USP34: variants seen among roughly 807,000 people sequenced by gnomAD.
USP34 encodes ubiquitin carboxyl-terminal hydrolase 34.
USP34 carries 70 observed loss-of-function variants against 460.3 expected under a neutral mutation model. The ratio of observed to expected loss-of-function variants is 0.15; its 90% CI spans 0.13 to 0.19. The LOEUF is 0.19. USP34 is among the 10% of genes least tolerant of loss of function. The pLI is 1.00. For synonymous variants in USP34, 1,647 were observed against 1,405.3 expected, an observed-to-expected ratio of 1.17 and a Z score of -3.85; for missense variants, 3,985 against 4,236.2, an observed-to-expected ratio of 0.94 and a Z score of 1.65.
chr2:61,235,706 CTACCAAATGATTT>C, intron 57 of USP34, 126 bp downstream of exon 57: 1 of 713,860 alleles, frequency 1.4e-6, no homozygotes. Flanking sequence ...ACTTTCTCAG[CTACCAAATGATTT>C]TAAGAATGAC....
At chr2:61,464,000 T>C (rs1336467928) in intron 1 of USP34, among the ~76,000 whole-genome samples, 1 of 152,170 alleles carries the variant, frequency 6.6e-6, no homozygotes, top group Non-Finnish European at 1.5e-5. Context: ...ATCAGCAGCA[T>C]GCAAAGCATG....
rs1003472444 is a variant in USP34 at position 61,208,820 on chromosome 2, C to T, written c.8919+79G>A. On this transcript the variant is annotated intron_variant, in intron 70 of 79. Transcript: ENST00000398571. ...CCTGTAAAACAGTTTACCATAAACT[C>T]TAAATGTCTATAAAGTAAGTCTTGG... The T allele has an allele frequency of 3.7e-6, 4 of 1,074,230 alleles. No individual in the cohort carries two copies. In the African/African-American group the frequency reaches 6.5e-5, roughly 17 times the overall value. The allele number at this position is 1,074,230 out of a possible 1,614,324, so 66.5% of individuals were successfully genotyped here.
At chr2:61,282,596 C>G (rs539555959) in intron 37 of USP34, among the ~76,000 whole-genome samples, 2 of 152,208 alleles carry the variant, frequency 1.3e-5, no homozygotes, top group South Asian at 4.1e-4. Flanking sequence ...CAAGACCAAC[C>G]TGGACAACAC....
intron 56 of USP34, 29 bp from the exon 57 acceptor site, chr2:61,235,939 T>A (rs1383692743): frequency 1.2e-6 from 2 of 1,605,728 alleles, no homozygotes; most frequent in Admixed American, 3.5e-5. Flanking sequence ...TCAAAGCATA[T>A]GAACTTCTGA....
intron 1 of USP34, among the ~76,000 whole-genome samples, chr2:61,438,458 CA>C (rs35530723): frequency 1.3e-5 from 2 of 151,968 alleles, no homozygotes; most frequent in Non-Finnish European, 2.9e-5. Context: ...ACCAAAACTA[CA>C]AAAATTAGCC....
chr2:61,464,108 CATT>C (rs1202875113), intron 1 of USP34, among the ~76,000 whole-genome samples: 2 of 152,218 alleles, frequency 1.3e-5, no homozygotes, highest in Non-Finnish European at 2.9e-5. Context: ...CACCTGACAT[CATT>C]AGTTCAAGAC....
intron 20 of USP34, among the ~76,000 whole-genome samples, chr2:61,330,236 T>C (rs771447836): frequency 6.6e-5 from 10 of 152,202 alleles, no homozygotes; most frequent in Non-Finnish European, 1.5e-4. Flanking sequence ...TAAAACGGTC[T>C]CAAATGGGTT....
intron 67 of USP34, among the ~76,000 whole-genome samples, chr2:61,216,417 G>A (rs1687397953): frequency 2.0e-5 from 3 of 151,152 alleles, no homozygotes; most frequent in South Asian, 2.1e-4. Context: ...TGGCTAATAT[G>A]GTGAAACCCC....
chr2:61,188,662 C>G lies in USP34; in HGVS notation c.10081G>C (p.Glu3361Gln). ...ATGCAGCTGTCTACAGTGTGCTCCT[C>G]ATCACTGCTAACACGCCGCCTTTTA... ...PIKRRRVSSD[E>Q]EHTVDSCISD... Residue 3361 changes from glutamate (E) to glutamine (Q), a missense_variant, in exon 80 of 80, where the codon GAG becomes CAG. By Grantham distance (29) the Glu-to-Gln change is conservative. Coordinates refer to ENST00000398571, the MANE Select transcript of USP34 (RefSeq NM_014709.4). 1 of 1,614,216 alleles carries G rather than the reference C, an allele frequency of 6.2e-7. No individual in the cohort carries two copies.
intron 41 of USP34, among the ~76,000 whole-genome samples, chr2:61,268,933 T>TG (rs1689134590): frequency 6.6e-6 from 1 of 152,180 alleles, no homozygotes; most frequent in South Asian, 2.1e-4. Flanking sequence ...TCAATTGCCA[T>TG]GTCCTAATAA....
intron 69 of USP34, among the ~76,000 whole-genome samples, 193 bp from the exon 70 acceptor site, chr2:61,209,170 A>C (rs537192525): frequency 6.6e-6 from 1 of 152,348 alleles, no homozygotes; most frequent in Admixed American, 6.5e-5. Flanking sequence ...ACTAAAAAAA[A>C]GTCTATTAAT....
At chr2:61,219,399 G>A (rs886085875) in intron 67 of USP34, among the ~76,000 whole-genome samples, 6 of 152,150 alleles carry the variant, frequency 3.9e-5, no homozygotes, top group East Asian at 1.9e-4. Flanking sequence ...GGCCAGGTGC[G>A]GTGGCTCACA....
At chr2:61,294,771 A>T (rs896498160) in intron 32 of USP34, among the ~76,000 whole-genome samples, 178 bp downstream of exon 32, 1 of 152,196 alleles carries the variant, frequency 6.6e-6, no homozygotes, top group African/African-American at 2.4e-5. Context: ...AGGAGCACCA[A>T]GGCATTAAAT....
intron 70 of USP34, chr2:61,207,804 A>G (rs879405498): frequency 2.0e-5 from 3 of 152,030 alleles, no homozygotes; most frequent in Non-Finnish European, 2.9e-5. Flanking sequence ...AACATAACCA[A>G]TATTTCTTTG....
intron 21 of USP34, among the ~76,000 whole-genome samples, chr2:61,323,807 G>C (rs1231549865): frequency 6.6e-6 from 1 of 152,164 alleles, no homozygotes; most frequent in Admixed American, 6.5e-5. Flanking sequence ...GATTGGTTTT[G>C]CTGTATTTTA....
intron 1 of USP34, among the ~76,000 whole-genome samples, chr2:61,426,783 G>C (rs1486171938): frequency 6.6e-6 from 1 of 152,156 alleles, no homozygotes; most frequent in Non-Finnish European, 1.5e-5. Context: ...TTTCAAGACT[G>C]ACCCAGCACA....
chr2:61,431,261 C>CA (rs1298858208), intron 1 of USP34, among the ~76,000 whole-genome samples: 2 of 152,258 alleles, frequency 1.3e-5, no homozygotes, highest in East Asian at 3.9e-4. Flanking sequence ...TTAGCTCTGT[C>CA]ACTCAGGCTG....
intron 1 of USP34, among the ~76,000 whole-genome samples, chr2:61,454,551 T>C (rs916598466): frequency 2.0e-5 from 3 of 151,988 alleles, no homozygotes; most frequent in African/African-American, 7.2e-5. Flanking sequence ...ACTGTGTCAA[T>C]ATAGTGTTCT....
intron 3 of USP34, among the ~76,000 whole-genome samples, chr2:61,399,849 G>A (rs778901370): frequency 8.1e-6 from 1 of 122,710 alleles, no homozygotes; most frequent in East Asian, 2.7e-4. Flanking sequence ...CTCCAGCCTC[G>A]GCAACAGTGC....
Sources: gnomAD v4.1 joint callset for allele counts (sites outside exome capture counted in the v4.1 genomes callset) on GRCh38, gnomAD v4.1.1 for gene constraint, MANE v1.5 for transcripts, NCBI Gene and HGNC (gene_info 2026-07-23, HGNC 2026-07-21) for gene names.